Variants in CATSPERT observed in about 807,000 individuals in gnomAD.
CATSPERT encodes the protein cation channel sperm-associated targeting subunit tau.
At chr2:201,494,448 T>C in the CATSPERT span, 2 of 1,537,586 alleles carry the variant, frequency 1.3e-6, no homozygotes, top group Non-Finnish European at 1.7e-6. Context: ...ATACATTTGG[T>C]AGATTTTCTT....
chr2:201,607,695 T>C, the CATSPERT span, among the ~76,000 whole-genome samples: 1 of 152,204 alleles, frequency 6.6e-6, no homozygotes, highest in Non-Finnish European at 1.5e-5. Flanking sequence ...ATACAGTACC[T>C]GGTATATGGT....
the CATSPERT span, among the ~76,000 whole-genome samples, chr2:201,593,635 G>A: frequency 8.1e-5 from 12 of 148,232 alleles, no homozygotes; most frequent in Admixed American, 6.8e-4. Context: ...AGGTCACTCA[G>A]GACTTGCTTT....
the CATSPERT span, chr2:201,494,700 TGACA>T: frequency 9.8e-6 from 15 of 1,533,706 alleles, no homozygotes; most frequent in East Asian, 2.9e-4. Flanking sequence ...TTTTTCTGAC[TGACA>T]TTTTGTTTAT....
the CATSPERT span, chr2:201,495,993 T>G: frequency 2.1e-6 from 3 of 1,396,892 alleles, no homozygotes; most frequent in Non-Finnish European, 3.0e-6. Flanking sequence ...AAGTTCTAAT[T>G]TTAGATTACT....
chr2:201,594,607 C>T, the CATSPERT span, among the ~76,000 whole-genome samples: 1 of 152,124 alleles, frequency 6.6e-6, no homozygotes, highest in Non-Finnish European at 1.5e-5. Context: ...CCGTCACTTT[C>T]AGGTACACCA....
the CATSPERT span, chr2:201,575,452 G>C: frequency 5.8e-6 from 3 of 515,598 alleles, no homozygotes; most frequent in Admixed American, 4.3e-5. Context: ...TTAGGAACTG[G>C]GCTGCACAGC....
chr2:201,582,119 C>T, the CATSPERT span: 2 of 1,606,944 alleles, frequency 1.2e-6, no homozygotes, highest in South Asian at 2.2e-5. Flanking sequence ...AAAGATGTAT[C>T]TGAACACTCC....
At chr2:201,530,604 G>C in the CATSPERT span, among the ~76,000 whole-genome samples, 1 of 152,258 alleles carries the variant, frequency 6.6e-6, no homozygotes, top group South Asian at 2.1e-4. Flanking sequence ...GGAATTCATG[G>C]CTTAAAGAGG....
chr2:201,573,178 T>C, the CATSPERT span, among the ~76,000 whole-genome samples: 1 of 152,218 alleles, frequency 6.6e-6, no homozygotes, highest in Non-Finnish European at 1.5e-5. Context: ...GACAAGAATT[T>C]CCTTTCTAGG....
the CATSPERT span, among the ~76,000 whole-genome samples, chr2:201,608,550 C>T: frequency 3.3e-5 from 5 of 152,166 alleles, no homozygotes; most frequent in South Asian, 1.0e-3. Flanking sequence ...GACACAGTGG[C>T]TTATGCCTAT....
At chr2:201,608,470 T>C in the CATSPERT span, among the ~76,000 whole-genome samples, 1 of 152,046 alleles carries the variant, frequency 6.6e-6, no homozygotes, top group African/African-American at 2.4e-5. Flanking sequence ...TGCATGTTTT[T>C]AAAAAAATCA....
At chr2:201,559,434 G>A in the CATSPERT span, among the ~76,000 whole-genome samples, 8,382 of 152,180 alleles carry the variant, frequency 0.055, 281 homozygotes, top group African/African-American at 0.08. Flanking sequence ...ACATCCCTAC[G>A]GGCTGCCCCT....
At chr2:201,585,235 G>T in the CATSPERT span, among the ~76,000 whole-genome samples, 503 of 152,188 alleles carry the variant, frequency 3.3e-3, 8 homozygotes, top group Admixed American at 0.028. Context: ...GGCCTGTCGA[G>T]GGGTGGGGGG....
chr2:201,491,751 C>T, the CATSPERT span: 1 of 1,537,116 alleles, frequency 6.5e-7, no homozygotes, highest in Non-Finnish European at 8.7e-7. Flanking sequence ...TTACATGCTC[C>T]TTTCTATCAA....
chr2:201,587,842 C>A, the CATSPERT span, among the ~76,000 whole-genome samples: 1 of 152,074 alleles, frequency 6.6e-6, no homozygotes, highest in Admixed American at 6.6e-5. Context: ...AAAATACAAA[C>A]AACCATTAGA....
the CATSPERT span, among the ~76,000 whole-genome samples, chr2:201,501,536 C>A: frequency 6.8e-6 from 1 of 146,566 alleles, no homozygotes; most frequent in Non-Finnish European, 1.5e-5. Context: ...AGGAAGGAAA[C>A]AATAAAGATT....
chr2:201,616,652 C>T, the CATSPERT span, among the ~76,000 whole-genome samples: 83 of 152,290 alleles, frequency 5.5e-4, no homozygotes, highest in African/African-American at 1.6e-3. Flanking sequence ...TGGCACAAGA[C>T]AGGGATGCCC....
chr2:201,558,446 CT>C, the CATSPERT span, among the ~76,000 whole-genome samples: 4 of 152,194 alleles, frequency 2.6e-5, no homozygotes, highest in African/African-American at 9.7e-5. Context: ...GGAGACACAC[CT>C]GCGGTGACTG....
At chr2:201,524,092 A>T in the CATSPERT span, among the ~76,000 whole-genome samples, 1 of 152,212 alleles carries the variant, frequency 6.6e-6, no homozygotes, top group East Asian at 1.9e-4. Flanking sequence ...CACAAAATAT[A>T]TAATCCCCAT....
Sources: allele counts gnomAD v4.1 joint callset (sites outside exome capture counted in the v4.1 genomes callset), GRCh38; gene constraint gnomAD v4.1.1; transcripts MANE v1.5; gene names NCBI Gene and HGNC (gene_info 2026-07-23, HGNC 2026-07-21).